Variants in RIPK1 observed in about 807,000 individuals in gnomAD.
The protein encoded by RIPK1 is receptor-interacting serine/threonine-protein kinase 1.
In RIPK1, 27 loss-of-function variants were observed where a neutral mutation model predicts 62.4. That is an observed-to-expected ratio of 0.43 (90% CI 0.32 to 0.60). The LOEUF (loss-of-function observed/expected upper bound fraction) is 0.60, where lower values mean the gene tolerates loss of function less well. Among genes scored for constraint, RIPK1 ranks in the 20% least tolerant of loss-of-function variants. RIPK1 has a pLI of 0.07. For synonymous variants in RIPK1, 287 were observed against 303.2 expected, an observed-to-expected ratio of 0.95 and a Z score of 0.55; for missense variants, 735 against 831.0, an observed-to-expected ratio of 0.88 and a Z score of 1.42.
intron 2 of RIPK1, 106 bp downstream of exon 2, chr6:3,077,093 G>C (rs939267778): frequency 1.9e-6 from 2 of 1,049,998 alleles, no homozygotes; most frequent in Non-Finnish European, 2.7e-6. Context: ...TAGAGTGAGA[G>C]GGAGCCTGCC....
intron 4 of RIPK1, among the ~76,000 whole-genome samples, chr6:3,082,385 CCTGGAGGCAGAAGTGGAA>C (rs1380903375): frequency 6.6e-6 from 1 of 152,158 alleles, no homozygotes; most frequent in African/African-American, 2.4e-5. Context: ...TGCTTGGATT[CCTGGAGGCAGAAGTGGAA>C]CTGGCACCTA....
In RIPK1 at chr6:3,072,672, A is replaced by G. The variant is rs1758788608; in HGVS notation, c.-61+4011A>G. Among the ~76,000 whole-genome samples, 1 of 152,196 alleles carries G rather than the reference A, an allele frequency of 6.6e-6. No homozygotes were observed. The highest frequency in any genetic ancestry group is 2.1e-4 in the South Asian group (1 of 4,836). ...TGAACTTCATGAGAAATAATTCTCA[A>G]TTACAGTACTGTCTTACCTATGGAA... On this transcript the variant is annotated intron_variant, in intron 1 of 10. Coordinates refer to ENST00000259808, the MANE Select transcript of RIPK1 (RefSeq NM_001354930.2). This position sits in a 1 kb window ranked among gnomAD's most constrained non-coding sequence, Gnocchi z 5.6.
chr6:3,081,174 A>G lies in RIPK1; in HGVS notation c.459+58A>G, dbSNP rs562478946. On this transcript the variant is annotated intron_variant, in intron 4 of 10. Coordinates refer to ENST00000259808, the MANE Select transcript of RIPK1 (RefSeq NM_001354930.2). ...GGGTGATTTTAGTTTTAATTCTCCA[A>G]TGTAAATCCATTCTCGTACATTGGA... 471 of 1,576,500 alleles carry G rather than the reference A, an allele frequency of 3.0e-4. 1 individual carries two copies. Among genetic ancestry groups the G allele is most frequent in the Non-Finnish European group, 3.8e-4 (435 of 1,152,674 alleles).
intron 7 of RIPK1, among the ~76,000 whole-genome samples, chr6:3,096,550 G>GTTTTTT (rs112979664): frequency 4.1e-5 from 4 of 98,450 alleles, no homozygotes; most frequent in Non-Finnish European, 8.2e-5. Context: ...AATATCTCAA[G>GTTTTTT]TTTTTTTTTT....
rs1040193944 is a variant in RIPK1, at chr6:3,104,166, T to G, written c.916-59T>G. On this transcript the variant is annotated intron_variant, in intron 7 of 10. Transcript: ENST00000259808. ...AAATATGAATTCTTCTCGTTAAAAT[T>G]TTCTGGGACTCTATTTCCTGCTGTT... The G allele has an allele frequency of 5.6e-6, 4 of 716,116 alleles. No homozygotes were observed. The African/African-American group carries it at 7.2e-5, about 13-fold the overall frequency. The allele number at this position is 716,116 out of a possible 1,614,324, so 44.4% of individuals were successfully genotyped here. A position where few individuals can be genotyped will look rare whatever the true frequency, so the allele number is the denominator to read the frequency against.
In RIPK1 at chr6:3,070,981, T is replaced by G. The variant is rs532038676; in HGVS notation, c.-61+2320T>G. Among the ~76,000 whole-genome samples the G allele has an allele frequency of 2.0e-5, 3 of 152,368 alleles. No homozygotes were observed. The South Asian group carries it at 6.2e-4, about 32-fold the overall frequency. On this transcript the variant is annotated intron_variant, in intron 1 of 10. Coordinates refer to ENST00000259808, the MANE Select transcript of RIPK1 (RefSeq NM_001354930.2). ...TCACTTAGCTCCAAATCTTAGTTTC[T>G]TTATTTGCAAATTGAAATCATGATA...
At position 3,076,699 on chromosome 6, in the gene RIPK1, C is replaced by CATATATATATATATATATATAT. The variant is rs10526418; in HGVS notation, c.-60-59_-60-38dup. On this transcript the variant is annotated intron_variant, in intron 1 of 10. Coordinates refer to ENST00000259808, the MANE Select transcript of RIPK1 (RefSeq NM_001354930.2). ...TGTCTCCAAAGGAGAAAAAAAAAAACATATATATATATATATATATATATA... is the reference window on the plus strand; with the variant it reads ...TGTCTCCAAAGGAGAAAAAAAAAAACATATATATATATATATATATATATATATATATATATATATATATATA... 181 of 217,618 alleles carry CATATATATATATATATATATAT rather than the reference C, an allele frequency of 8.3e-4. 4 individuals carry two copies. Among genetic ancestry groups the CATATATATATATATATATATAT allele is most frequent in the African/African-American group, 4.4e-3 (105 of 24,108 alleles). 13.5% of individuals were successfully genotyped at this position (217,618 alleles called of 1,614,324 possible). A position where few individuals can be genotyped will look rare whatever the true frequency, so the allele number is the denominator to read the frequency against.
At chr6:3,097,975 C>T (rs1760400338) in intron 7 of RIPK1, among the ~76,000 whole-genome samples, 2 of 152,106 alleles carry the variant, frequency 1.3e-5, no homozygotes, top group South Asian at 2.1e-4. Flanking sequence ...GTGGGAGGAT[C>T]GCTTGAGGCC....
chr6:3,065,414 C>A (rs1283272295), upstream of RIPK1, among the ~76,000 whole-genome samples: 1 of 151,778 alleles, frequency 6.6e-6, no homozygotes, highest in Non-Finnish European at 1.5e-5. Flanking sequence ...TGAGGTGTCC[C>A]GACAGTGGGG....
chr6:3,084,538 G>T (rs1320495845), intron 5 of RIPK1, among the ~76,000 whole-genome samples: 1 of 150,604 alleles, frequency 6.6e-6, no homozygotes, highest in Non-Finnish European at 1.5e-5. Context: ...ACTCAACAAA[G>T]CCTTCCTGGA....
At chr6:3,080,176 T>G (rs1759302615) in intron 3 of RIPK1, among the ~76,000 whole-genome samples, 1 of 152,240 alleles carries the variant, frequency 6.6e-6, no homozygotes. Context: ...GGAATCTCAC[T>G]TCTATCATTA....
chr6:3,086,106 C>T (rs1300217917), intron 6 of RIPK1, among the ~76,000 whole-genome samples: 2 of 152,014 alleles, frequency 1.3e-5, no homozygotes, highest in Non-Finnish European at 2.9e-5. Flanking sequence ...TCTAGATTGG[C>T]CTTGTCATAC....
At chr6:3,089,394 T>G (rs141414348) in intron 6 of RIPK1, among the ~76,000 whole-genome samples, 187 bp from the exon 7 acceptor site, 3 of 152,350 alleles carry the variant, frequency 2.0e-5, no homozygotes, top group African/African-American at 7.2e-5. Flanking sequence ...TTTCCTGTGT[T>G]AGCCTATCCC....
At chr6:3,073,329 C>T (rs943966691) in intron 1 of RIPK1, among the ~76,000 whole-genome samples, 30 of 150,102 alleles carry the variant, frequency 2.0e-4, no homozygotes, top group African/African-American at 7.1e-4. Context: ...TTTTTTTTCT[C>T]ATAATCCTTA....
intron 7 of RIPK1, among the ~76,000 whole-genome samples, chr6:3,098,055 T>C (rs1760403705): frequency 6.6e-6 from 1 of 152,124 alleles, no homozygotes; most frequent in African/African-American, 2.4e-5. Flanking sequence ...AGAAATTAGC[T>C]GGGCGTGGTG....
At chr6:3,094,219 C>T (rs1760161617) in intron 7 of RIPK1, among the ~76,000 whole-genome samples, 1 of 151,902 alleles carries the variant, frequency 6.6e-6, no homozygotes, top group Admixed American at 6.6e-5. Flanking sequence ...ACCTGCTGCA[C>T]CTAGTAACTG....
Position 3,105,741 on chromosome 6 carries a change from G to C in RIPK1, c.1266G>C (p.Gln422His). Residue 422 changes from glutamine (Q) to histidine (H), a missense_variant, in exon 9 of 11, where the codon CAG becomes CAC. Gln to His is a conservative substitution (Grantham distance 24). Around this residue, in one of 2 missense-constraint regions of RIPK1, gnomAD observed 671 missense variants for 726.2 expected, o/e 0.92. Transcript: ENST00000259808. This position sits in a 1 kb window ranked among gnomAD's most constrained non-coding sequence, Gnocchi z 4.5. ...GGGTCTCCCATGACCCTTTTGCACA[G>C]CAAAGACCTTACGAGAATTTTCAGA... ...RRRVSHDPFA[Q>H]QRPYENFQNT... 6.2e-7 allele frequency: 1 copy of C among 1,614,202 alleles called. No homozygotes were observed. The highest frequency in any genetic ancestry group is 8.5e-7 in the Non-Finnish European group (1 of 1,180,032).
At chr6:3,067,601 T>TTG (rs1392642773), upstream of RIPK1, among the ~76,000 whole-genome samples, 1 of 151,952 alleles carries the variant, frequency 6.6e-6, no homozygotes, top group Non-Finnish European at 1.5e-5. Context: ...TAAGAGGGTT[T>TTG]TTTTTGGTAT....
chr6:3,081,358 G>A (rs1187334174), intron 4 of RIPK1, among the ~76,000 whole-genome samples: 1 of 152,190 alleles, frequency 6.6e-6, no homozygotes, highest in Non-Finnish European at 1.5e-5. Flanking sequence ...GAATGGGGTA[G>A]ATGAGAAGAC....
Sources: allele counts gnomAD v4.1 joint callset (sites outside exome capture counted in the v4.1 genomes callset), GRCh38; gene constraint gnomAD v4.1.1; regional missense constraint gnomAD v4.1.1; non-coding constraint Gnocchi (gnomAD v3.1); transcripts MANE v1.5; gene names NCBI Gene and HGNC (gene_info 2026-07-23, HGNC 2026-07-21).